Variants in LRP1B observed in about 807,000 individuals in gnomAD.
The protein encoded by LRP1B is LDL receptor related protein 1B.
In LRP1B, 217 loss-of-function variants were observed where a neutral mutation model predicts 556.6. That is an observed-to-expected ratio of 0.39 (90% confidence interval 0.35 to 0.44). The LOEUF (loss-of-function observed/expected upper bound fraction) is 0.44, where lower values mean the gene tolerates loss of function less well. Ranked by LOEUF, LRP1B falls within the 20% of genes least tolerant of loss-of-function variation. The pLI, the probability that LRP1B is intolerant of heterozygous loss-of-function variation, is 1.00. For missense variants in LRP1B, 5,053 were observed against 5,620.8 expected, an observed-to-expected ratio of 0.90 and a Z score of 3.23; for synonymous variants, 2,047 against 1,865.8, an observed-to-expected ratio of 1.10 and a Z score of -2.50.
intron 87 of LRP1B, 65 bp from the exon 88 acceptor site, chr2:140,239,597 A>T (rs1248632887): frequency 4.3e-5 from 45 of 1,044,498 alleles, no homozygotes; most frequent in Non-Finnish European, 1.4e-6. Flanking sequence ...GATAAAACTA[A>T]GTACTTTATT....
chr2:141,313,964 G>T, intron 3 of LRP1B, among the ~76,000 whole-genome samples: 1 of 146,796 alleles, frequency 6.8e-6, no homozygotes, highest in Non-Finnish European at 1.5e-5. Context: ...AATTAATTCT[G>T]CTTTTAACTT....
intron 3 of LRP1B, among the ~76,000 whole-genome samples, chr2:141,421,445 C>T (rs1015825296): frequency 1.3e-5 from 2 of 148,492 alleles, no homozygotes; most frequent in South Asian, 2.1e-4. Flanking sequence ...AGGAGAATGG[C>T]GTGAACCCGG....
At chr2:140,861,162 T>A (rs1182790397) in intron 27 of LRP1B, among the ~76,000 whole-genome samples, 1 of 152,142 alleles carries the variant, frequency 6.6e-6, no homozygotes, top group Non-Finnish European at 1.5e-5. Context: ...ATCCCAGAAC[T>A]TTGGGAAGCC....
intron 1 of LRP1B, among the ~76,000 whole-genome samples, chr2:141,881,945 A>G (rs60752443): frequency 0.064 from 9,696 of 151,838 alleles, 1,023 homozygotes; most frequent in African/African-American, 0.22. Context: ...TTCTTAAGAG[A>G]CTCTTCTTAC....
rs1689685885 is a variant in LRP1B at position 140,781,177 on chromosome 2, A to C, written c.5360-4939T>G. 2.0e-5 allele frequency among the ~76,000 whole-genome samples: 3 copies of C among 152,174 alleles called. No individual in the cohort carries two copies. The South Asian group carries it at 6.2e-4, about 31-fold the overall frequency. On this transcript the variant is annotated intron_variant, in intron 32 of 90. Transcript: ENST00000389484. ...AAGAACCACGGCCTTGAAGACCATG[A>C]CCAAAGGAGCTTGTGCTCATCAAGG...
At chr2:140,573,810 T>C (rs1423226703) in intron 43 of LRP1B, among the ~76,000 whole-genome samples, 1 of 152,076 alleles carries the variant, frequency 6.6e-6, no homozygotes, top group Non-Finnish European at 1.5e-5. Flanking sequence ...GTTCCACTCC[T>C]GTGATTTTTC....
intron 87 of LRP1B, among the ~76,000 whole-genome samples, chr2:140,243,807 G>A (rs1237253596): frequency 6.6e-6 from 1 of 150,968 alleles, no homozygotes; most frequent in South Asian, 2.1e-4. Context: ...CTTGCTCCAC[G>A]GTTGTTGTAC....
chr2:140,722,916 G>A (rs1033620512), intron 35 of LRP1B, among the ~76,000 whole-genome samples: 2 of 152,044 alleles, frequency 1.3e-5, no homozygotes, highest in South Asian at 2.1e-4. Context: ...GTTGGCGGGC[G>A]CCTGTATTCC....
intron 25 of LRP1B, among the ~76,000 whole-genome samples, chr2:140,876,151 C>G (rs1693298405): frequency 6.6e-6 from 1 of 152,080 alleles, no homozygotes; most frequent in African/African-American, 2.4e-5. Flanking sequence ...TCAAGCAGAA[C>G]AGAAATTAAC....
At chr2:140,623,032 A>G (rs937833520) in intron 41 of LRP1B, among the ~76,000 whole-genome samples, 1 of 152,224 alleles carries the variant, frequency 6.6e-6, no homozygotes, top group Non-Finnish European at 1.5e-5. Flanking sequence ...AACAATTTAC[A>G]TATTTTTAAA....
intron 6 of LRP1B, among the ~76,000 whole-genome samples, chr2:141,226,427 T>C (rs1683252761): frequency 6.6e-6 from 1 of 152,128 alleles, no homozygotes; most frequent in Admixed American, 6.6e-5. Flanking sequence ...TGCAATAAAA[T>C]ATTTACTATT....
At chr2:140,503,800 T>C (rs915755753) in intron 53 of LRP1B, among the ~76,000 whole-genome samples, 1 of 152,108 alleles carries the variant, frequency 6.6e-6, no homozygotes, top group Non-Finnish European at 1.5e-5. Context: ...TTATTCCTAG[T>C]AGAACTTTCT....
chr2:141,572,433 C>G (rs1686563264), intron 2 of LRP1B, among the ~76,000 whole-genome samples: 1 of 152,044 alleles, frequency 6.6e-6, no homozygotes, highest in African/African-American at 2.4e-5. Flanking sequence ...GAAAGAAGCA[C>G]TAAATATGGA....
intron 23 of LRP1B, among the ~76,000 whole-genome samples, chr2:140,894,850 C>T (rs1042089336): frequency 1.3e-5 from 2 of 150,844 alleles, no homozygotes; most frequent in African/African-American, 2.4e-5. Context: ...GGCTGAAGGA[C>T]GAGAATCACT....
intron 1 of LRP1B, among the ~76,000 whole-genome samples, chr2:141,944,473 C>T (rs188438005): frequency 2.5e-4 from 38 of 152,200 alleles, no homozygotes; most frequent in African/African-American, 8.9e-4. Flanking sequence ...AAAATCTTGC[C>T]TTCCTACAGA....
intron 11 of LRP1B, among the ~76,000 whole-genome samples, chr2:141,020,326 G>T (rs1698029827): frequency 6.6e-6 from 1 of 151,840 alleles, no homozygotes; most frequent in South Asian, 2.1e-4. Context: ...TCTCTCAATT[G>T]TACACAGTGT....
At chr2:141,801,621 C>T (rs12612242) in intron 2 of LRP1B, among the ~76,000 whole-genome samples, 27,965 of 152,048 alleles carry the variant, frequency 0.18, 3,024 homozygotes, top group East Asian at 0.39. Context: ...ATTTGCAGTA[C>T]AGAATTTTTC....
At chr2:141,428,078 T>C (rs1680434455) in intron 3 of LRP1B, among the ~76,000 whole-genome samples, 1 of 152,236 alleles carries the variant, frequency 6.6e-6, no homozygotes, top group Admixed American at 6.5e-5. Flanking sequence ...CCTTTTTTAA[T>C]GCACTGCTTT....
intron 42 of LRP1B, among the ~76,000 whole-genome samples, chr2:140,599,361 ATTTCT>A (rs1682565232): frequency 1.3e-5 from 2 of 151,892 alleles, no homozygotes; most frequent in African/African-American, 4.8e-5. Context: ...TGTTTTTTAC[ATTTCT>A]TTTTTTCTCT....
Sources: gnomAD v4.1 joint callset for allele counts (sites outside exome capture counted in the v4.1 genomes callset) on GRCh38, gnomAD v4.1.1 for gene constraint, MANE v1.5 for transcripts, NCBI Gene and HGNC (gene_info 2026-07-23, HGNC 2026-07-21) for gene names.